The following TNFRSF8 variants were observed in gnomAD, a reference collection of about 807,000 sequenced individuals.
TNFRSF8 encodes the protein tumor necrosis factor receptor superfamily member 8.
In TNFRSF8, 26 loss-of-function variants were observed where a neutral mutation model predicts 70.8. That is an observed-to-expected ratio of 0.37 (90% confidence interval 0.27 to 0.51). The LOEUF (loss-of-function observed/expected upper bound fraction) is 0.51, where lower values mean the gene tolerates loss of function less well. Ranked by LOEUF, TNFRSF8 falls within the 20% of genes least tolerant of loss-of-function variation. The probability of loss-of-function intolerance (pLI) is 0.94; values close to 1 mark genes in which losing one functional copy is unlikely to be tolerated. For synonymous variants in TNFRSF8, 356 were observed against 339.2 expected, an observed-to-expected ratio of 1.05 and a Z score of -0.54; for missense variants, 720 against 807.9, an observed-to-expected ratio of 0.89 and a Z score of 1.32.
chr1:12,106,230 C>T (rs1641521700), intron 4 of TNFRSF8, among the ~76,000 whole-genome samples: 1 of 152,184 alleles, frequency 6.6e-6, no homozygotes, highest in Non-Finnish European at 1.5e-5. Context: ...TCCACCTGCG[C>T]TGCCCTTCTT....
At position 12,137,548 on chromosome 1, in the gene TNFRSF8, G is replaced by GTT. The variant is rs553381567; in HGVS notation, c.1336-673_1336-672dup. Among the ~76,000 whole-genome samples the GTT allele has an allele frequency of 6.0e-4, 79 of 131,424 alleles. No individual in the cohort carries two copies. The South Asian group carries it at 7.5e-3, about 12-fold the overall frequency. The allele number at this position is 131,424 out of a possible 152,430, so 86.2% of individuals were successfully genotyped here. The stretch of plus-strand genomic sequence containing the variant: ...TTCCTCATGACATAGCTGTTTTTTT[G>GTT]TTTTTTTTTGTTTTTTTTTTGTTTT... On this transcript the variant is annotated intron_variant, in intron 13 of 14. Transcript: ENST00000263932.
At chr1:12,120,978 A>T (rs1641817777) in intron 8 of TNFRSF8, among the ~76,000 whole-genome samples, 1 of 152,232 alleles carries the variant, frequency 6.6e-6, no homozygotes, top group East Asian at 1.9e-4. Context: ...AGCTGAGACC[A>T]TGGGCCTGTC....
At chr1:12,137,983 A>T (rs1642178395) in intron 13 of TNFRSF8, among the ~76,000 whole-genome samples, 1 of 152,208 alleles carries the variant, frequency 6.6e-6, no homozygotes, top group Non-Finnish European at 1.5e-5. Flanking sequence ...ACTTTAGGAC[A>T]GGGCCAACGG....
chr1:12,140,984 C>G lies in TNFRSF8; in HGVS notation c.1544-1303C>G, dbSNP rs931189752. On this transcript the variant is annotated intron_variant, in intron 14 of 14. Coordinates refer to ENST00000263932, the MANE Select transcript of TNFRSF8 (RefSeq NM_001243.5). ...TGGAGGTGTGGGGAGTGCTGAGGCC[C>G]TGCTCTGTTTTGGGGTCTGTGGGGG... 1.2e-4 allele frequency among the ~76,000 whole-genome samples: 19 copies of G among 152,258 alleles called. No individual in the cohort carries two copies. The East Asian group carries it at 3.7e-3, about 29-fold the overall frequency.
chr1:12,139,125 G>A (rs955124547), intron 14 of TNFRSF8, among the ~76,000 whole-genome samples: 6 of 150,910 alleles, frequency 4.0e-5, no homozygotes, highest in East Asian at 2.0e-4. Flanking sequence ...ACCTTGGTAC[G>A]GCATTTTCCC....
intron 1 of TNFRSF8, among the ~76,000 whole-genome samples, chr1:12,083,165 C>T (rs1415395201): frequency 2.0e-5 from 3 of 152,192 alleles, no homozygotes. Flanking sequence ...CCACCAAGTG[C>T]TGACAAGGAT....
In TNFRSF8 at chr1:12,132,837, CAAA is replaced by C. The variant is rs55643235; in HGVS notation, c.1310-2728_1310-2726del. Among the ~76,000 whole-genome samples, 729 of 74,378 alleles carry C rather than the reference CAAA, an allele frequency of 9.8e-3. 1 individual carries two copies. The highest frequency in any genetic ancestry group is 0.034 in the African/African-American group (681 of 20,164). The allele number at this position is 74,378 out of a possible 152,430, so 48.8% of individuals were successfully genotyped here. On this transcript the variant is annotated intron_variant, in intron 12 of 14. Transcript: ENST00000263932. ...TCGGTGACAGAGCGAGACTCCATCT[CAAA>C]AAAAAAAAAAAAAAAAAAAAAATCA...
At chr1:12,107,017 C>T (rs1249329100) in intron 4 of TNFRSF8, among the ~76,000 whole-genome samples, 5 of 152,234 alleles carry the variant, frequency 3.3e-5, no homozygotes, top group Non-Finnish European at 7.3e-5. Flanking sequence ...CACACAGCGG[C>T]GCCAGAGGCC....
intron 1 of TNFRSF8, among the ~76,000 whole-genome samples, chr1:12,077,206 G>A (rs562700687): frequency 4.4e-4 from 67 of 152,270 alleles, no homozygotes; most frequent in African/African-American, 1.6e-3. Context: ...TTATAAGTGC[G>A]AGCCACTTCG....
In TNFRSF8 at chr1:12,119,193, C is replaced by T. The variant is rs535394033; in HGVS notation, c.946+3464C>T. Among the ~76,000 whole-genome samples, 1 of 152,296 alleles carries T rather than the reference C, an allele frequency of 6.6e-6. No homozygotes were observed. The highest frequency in any genetic ancestry group is 6.5e-5 in the Admixed American group (1 of 15,292). On this transcript the variant is annotated intron_variant, in intron 8 of 14. Transcript: ENST00000263932. The surrounding 1 kb of genome is among the most constrained non-coding windows in gnomAD (Gnocchi z 4.4). ...GTTTCTTCTTGCTCCTGCTGCCTGG[C>T]CTGGTGACCACCTTGATGTGGCTCT...
intron 3 of TNFRSF8, among the ~76,000 whole-genome samples, chr1:12,098,140 A>G (rs1641361685): frequency 6.6e-6 from 1 of 152,140 alleles, no homozygotes; most frequent in Admixed American, 6.6e-5. Context: ...ATACCTCTCC[A>G]TTCCTTGTAA....
At chr1:12,100,482 C>T (rs748376609) in intron 3 of TNFRSF8, among the ~76,000 whole-genome samples, 4 of 152,134 alleles carry the variant, frequency 2.6e-5, no homozygotes, top group Admixed American at 6.5e-5. Flanking sequence ...ACAAACACAT[C>T]GTACAGCTGT....
intron 1 of TNFRSF8, among the ~76,000 whole-genome samples, chr1:12,065,371 C>T (rs1443102255): frequency 6.6e-6 from 1 of 152,170 alleles, no homozygotes; most frequent in Non-Finnish European, 1.5e-5. Context: ...GCATGAGCCA[C>T]CACACCCAGC....
intron 1 of TNFRSF8, among the ~76,000 whole-genome samples, chr1:12,082,363 T>C (rs1168751966): frequency 6.6e-6 from 1 of 151,774 alleles, no homozygotes; most frequent in East Asian, 1.9e-4. Flanking sequence ...TTGGGCAACA[T>C]AGCAAGACCC....
At chr1:12,101,357 G>C (rs1414851495) in intron 3 of TNFRSF8, among the ~76,000 whole-genome samples, 1 of 151,818 alleles carries the variant, frequency 6.6e-6, no homozygotes, top group Non-Finnish European at 1.5e-5. Flanking sequence ...AGCCCAGGAA[G>C]TTGAGGTTAC....
intron 8 of TNFRSF8, among the ~76,000 whole-genome samples, chr1:12,121,654 C>T (rs1006855976): frequency 2.0e-5 from 3 of 152,204 alleles, no homozygotes; most frequent in African/African-American, 7.2e-5. Flanking sequence ...CTGGGTCAGA[C>T]CAGTGGTGGC....
At chr1:12,069,885 A>G (rs765654830) in intron 1 of TNFRSF8, among the ~76,000 whole-genome samples, 4 of 152,218 alleles carry the variant, frequency 2.6e-5, no homozygotes, top group Non-Finnish European at 4.4e-5. Flanking sequence ...TGCAGACGGT[A>G]ACATACACAC....
chr1:12,080,245 A>G (rs1482981941), intron 1 of TNFRSF8: 8 of 515,916 alleles, frequency 1.6e-5, no homozygotes, highest in South Asian at 9.8e-5. Context: ...CACCGTGCCC[A>G]GCCAAGATGA....
intron 13 of TNFRSF8, among the ~76,000 whole-genome samples, chr1:12,137,668 G>A (rs1486432224): frequency 6.6e-6 from 1 of 151,352 alleles, no homozygotes; most frequent in South Asian, 2.1e-4. Flanking sequence ...ACTAACAGTA[G>A]TCTGTTTTTA....
Sources: allele counts gnomAD v4.1 joint callset (sites outside exome capture counted in the v4.1 genomes callset), GRCh38; gene constraint gnomAD v4.1.1; non-coding constraint Gnocchi (gnomAD v3.1); transcripts MANE v1.5; gene names NCBI Gene and HGNC (gene_info 2026-07-23, HGNC 2026-07-21).